YPEL1: variants seen among roughly 807,000 people sequenced by gnomAD.
The protein encoded by YPEL1 is yippee like 1, also known as protein yippee-like 1.
YPEL1 carries 7 observed loss-of-function variants against 17.3 expected under a neutral mutation model. The ratio of observed to expected loss-of-function variants is 0.40; its 90% confidence interval spans 0.23 to 0.76. YPEL1 has a LOEUF of 0.76. Ranked by LOEUF, YPEL1 falls within the 30% of genes least tolerant of loss-of-function variation. The pLI is 0.35. For synonymous variants in YPEL1, 59 were observed against 59.6 expected, an observed-to-expected ratio of 0.99 and a Z score of 0.05; for missense variants, 91 against 155.5, an observed-to-expected ratio of 0.59 and a Z score of 2.21.
chr22:21,713,085 GC>G (rs1427636178), intron 1 of YPEL1, among the ~76,000 whole-genome samples: 2 of 152,176 alleles, frequency 1.3e-5, no homozygotes, highest in African/African-American at 4.8e-5. Context: ...CTCTAGGACG[GC>G]TACTATCAAC....
At chr22:21,727,496 C>A (rs2068346449) in intron 1 of YPEL1, among the ~76,000 whole-genome samples, 1 of 152,208 alleles carries the variant, frequency 6.6e-6, no homozygotes, top group Admixed American at 6.5e-5. Flanking sequence ...CAGCTGCCAT[C>A]CATCCCCCCA....
At chr22:21,727,105 C>T (rs2068343225) in intron 1 of YPEL1, among the ~76,000 whole-genome samples, 1 of 152,182 alleles carries the variant, frequency 6.6e-6, no homozygotes, top group Non-Finnish European at 1.5e-5. Context: ...CCAAATGTCC[C>T]CCAAGTCCCT....
intron 1 of YPEL1, among the ~76,000 whole-genome samples, chr22:21,735,204 C>G (rs2068424595): frequency 6.6e-6 from 1 of 152,178 alleles, no homozygotes; most frequent in African/African-American, 2.4e-5. Flanking sequence ...ACTTGAAAAG[C>G]TTTTCCGCCT....
At chr22:21,725,453 T>A (rs375187653) in intron 1 of YPEL1, among the ~76,000 whole-genome samples, 30 of 151,440 alleles carry the variant, frequency 2.0e-4, no homozygotes, top group African/African-American at 6.5e-4. Flanking sequence ...CTGGTCTCGA[T>A]CTCCTGACCT....
intron 2 of YPEL1, among the ~76,000 whole-genome samples, chr22:21,705,314 A>G (rs1207480625): frequency 6.6e-6 from 1 of 152,162 alleles, no homozygotes; most frequent in Non-Finnish European, 1.5e-5. Context: ...GTCATTTAAA[A>G]ATGTCTTAGG....
chr22:21,725,402 G>A (rs2068325863), intron 1 of YPEL1, among the ~76,000 whole-genome samples: 1 of 151,308 alleles, frequency 6.6e-6, no homozygotes, highest in Admixed American at 6.6e-5. Flanking sequence ...TGTATTTTTT[G>A]TATTCTTTGG....
chr22:21,727,837 G>C (rs1451394355), intron 1 of YPEL1, among the ~76,000 whole-genome samples: 2 of 152,162 alleles, frequency 1.3e-5, no homozygotes, highest in Non-Finnish European at 2.9e-5. Context: ...CCTACCCCCT[G>C]GCACTGCCAC....
In YPEL1 at chr22:21,703,710, GC is replaced by G. The variant is rs1555903181; in HGVS notation, c.161+128del. The G allele has an allele frequency of 2.8e-6, 3 of 1,057,210 alleles. No individual in the cohort carries two copies. Among genetic ancestry groups the G allele is most frequent in the Non-Finnish European group, 4.1e-6 (3 of 730,072 alleles). The allele number at this position is 1,057,210 out of a possible 1,614,324, so 65.5% of individuals were successfully genotyped here. A position where few individuals can be genotyped will look rare whatever the true frequency, so the allele number is the denominator to read the frequency against. ...CCTTAGCGCGTTTCAGAAACTCCCGGCGGGGGGATGGTGGGTTCTTTCAGGA... is the reference window on the plus strand; with the variant it reads ...CCTTAGCGCGTTTCAGAAACTCCCGGGGGGGGATGGTGGGTTCTTTCAGGA... On this transcript the variant is annotated intron_variant, in intron 3 of 4. Coordinates refer to ENST00000339468, the MANE Select transcript of YPEL1 (RefSeq NM_013313.5). This position sits in a 1 kb window ranked among gnomAD's most constrained non-coding sequence, Gnocchi z 6.1.
In YPEL1 at chr22:21,703,930, C is replaced by G. The variant is rs746474096; in HGVS notation, c.118-48G>C. On this transcript the variant is annotated intron_variant, in intron 2 of 4. Coordinates refer to ENST00000339468, the MANE Select transcript of YPEL1 (RefSeq NM_013313.5). This position sits in a 1 kb window ranked among gnomAD's most constrained non-coding sequence, Gnocchi z 6.1. The stretch of plus-strand genomic sequence containing the variant: ...GATTGGCTGCGAGTGCTTTCTGGAA[C>G]GAAGCGGTGCTGCCCAGAACCAGGG... The G allele has an allele frequency of 6.4e-7, 1 of 1,557,634 alleles. No individual in the cohort carries two copies.
chr22:21,727,525 G>T (rs1413343101), intron 1 of YPEL1, among the ~76,000 whole-genome samples: 1 of 152,164 alleles, frequency 6.6e-6, no homozygotes, highest in Admixed American at 6.5e-5. Flanking sequence ...TTAATGTGGG[G>T]TATGTTTTTA....
rs529417905 is a variant in YPEL1 at position 21,735,160 on chromosome 22, G to A, written c.-165+455C>T. On this transcript the variant is annotated intron_variant, in intron 1 of 4. Transcript: ENST00000339468. ...TATGCCACAAGTGGTAAATACCGAGGACGCTCCATTTTAGTCATGATCTTT... is the reference window on the plus strand; with the variant it reads ...TATGCCACAAGTGGTAAATACCGAGAACGCTCCATTTTAGTCATGATCTTT... 2.6e-5 allele frequency among the ~76,000 whole-genome samples: 4 copies of A among 152,278 alleles called. No homozygotes were observed. In the East Asian group the frequency reaches 5.8e-4, roughly 22 times the overall value.
chr22:21,735,217 C>T lies in YPEL1; in HGVS notation c.-165+398G>A, dbSNP rs549050303. ...CTACTTGAAAAGCTTTTCCGCCTTT[C>T]TGATAAACATTCCTAGGAGACCTCT... is the stretch of plus-strand genomic sequence containing the variant. On this transcript the variant is annotated intron_variant, in intron 1 of 4. Transcript: ENST00000339468. 3.3e-5 allele frequency among the ~76,000 whole-genome samples: 5 copies of T among 152,316 alleles called. No homozygotes were observed. The South Asian group carries it at 1.0e-3, about 32-fold the overall frequency.
intron 1 of YPEL1, among the ~76,000 whole-genome samples, chr22:21,718,047 C>G (rs1255701872): frequency 6.6e-6 from 1 of 150,468 alleles, no homozygotes; most frequent in African/African-American, 2.4e-5. Context: ...GGGAGGATTG[C>G]TTGAGCCCAA....
At chr22:21,733,952 A>G (rs758392489) in intron 1 of YPEL1, among the ~76,000 whole-genome samples, 3 of 152,128 alleles carry the variant, frequency 2.0e-5, no homozygotes, top group Admixed American at 6.5e-5. Context: ...TAGCAGCTCA[A>G]GCCTGTAATC....
chr22:21,723,689 A>ATT (rs1209553571), intron 1 of YPEL1, among the ~76,000 whole-genome samples: 5 of 58,190 alleles, frequency 8.6e-5, no homozygotes, highest in Non-Finnish European at 1.6e-4. Flanking sequence ...TATTTTAATT[A>ATT]ATTTTTTTTT....
In YPEL1 at chr22:21,731,243, G is replaced by A. The variant is rs1018488358; in HGVS notation, c.-165+4372C>T. ...AAAATTTAAAAATTAACCAGGTGTG[G>A]TGGCACGTGCCTGTCGTCCCAGCTA... On this transcript the variant is annotated intron_variant, in intron 1 of 4. Transcript: ENST00000339468. 2.0e-5 allele frequency among the ~76,000 whole-genome samples: 3 copies of A among 151,870 alleles called. No homozygotes were observed. In the South Asian group the frequency reaches 6.2e-4, roughly 32 times the overall value.
chr22:21,711,751 G>A (rs1008345049), intron 1 of YPEL1, among the ~76,000 whole-genome samples: 1 of 152,150 alleles, frequency 6.6e-6, no homozygotes, highest in African/African-American at 2.4e-5. Flanking sequence ...TGAGAGCTAA[G>A]ACTATAAAAC....
chr22:21,709,891 C>A (rs933314992), intron 2 of YPEL1, among the ~76,000 whole-genome samples: 1 of 148,812 alleles, frequency 6.7e-6, no homozygotes, highest in Non-Finnish European at 1.5e-5. Flanking sequence ...AGGTCATGAC[C>A]TGAGGATCGG....
chr22:21,710,369 C>T, intron 2 of YPEL1: 1 of 535,278 alleles, frequency 1.9e-6, no homozygotes, highest in South Asian at 2.3e-5. Flanking sequence ...AGTGATTCAC[C>T]TTGCCCCTCG....
Sources: allele counts gnomAD v4.1 joint callset (sites outside exome capture counted in the v4.1 genomes callset), GRCh38; gene constraint gnomAD v4.1.1; non-coding constraint Gnocchi (gnomAD v3.1); transcripts MANE v1.5; gene names NCBI Gene and HGNC (gene_info 2026-07-23, HGNC 2026-07-21).